Variants in COL25A1 observed in about 807,000 individuals in gnomAD.
COL25A1 encodes the protein collagen type XXV alpha 1 chain.
Under a neutral mutation model 128.4 loss-of-function variants are expected in COL25A1, and 103 were observed. The ratio of observed to expected loss-of-function variants is 0.80; its 90% confidence interval spans 0.68 to 0.94. The LOEUF is 0.94. COL25A1 is among the 40% of genes least tolerant of loss of function. The pLI is 0.00. For missense variants in COL25A1, 745 were observed against 840.0 expected, an observed-to-expected ratio of 0.89 and a Z score of 1.40; for synonymous variants, 279 against 277.2, an observed-to-expected ratio of 1.01 and a Z score of -0.06.
intron 5 of COL25A1, chr4:109,022,144 C>T (rs528154233): frequency 4.0e-5 from 18 of 452,652 alleles, no homozygotes; most frequent in Non-Finnish European, 7.1e-5. Flanking sequence ...GCTGGTTTTA[C>T]AGCTCAGGTG....
chr4:109,167,497 CTTAAAATGTATCA>C (rs1231586564), intron 3 of COL25A1, among the ~76,000 whole-genome samples: 1 of 152,078 alleles, frequency 6.6e-6, no homozygotes, highest in African/African-American at 2.4e-5. Flanking sequence ...AGGCATTGTT[CTTAAAATGTATCA>C]TTATGACATT....
intron 3 of COL25A1, among the ~76,000 whole-genome samples, chr4:109,068,403 G>A (rs1762638744): frequency 6.6e-6 from 1 of 151,910 alleles, no homozygotes; most frequent in African/African-American, 2.4e-5. Context: ...GAGGAAGGAA[G>A]GAAAGAGGAA....
intron 24 of COL25A1, chr4:108,854,113 G>T (rs947812400): frequency 6.6e-6 from 1 of 152,170 alleles, no homozygotes; most frequent in East Asian, 1.9e-4. Context: ...AACAAGCAAC[G>T]TGGAAAGGAT....
intron 3 of COL25A1, among the ~76,000 whole-genome samples, chr4:109,293,643 G>A (rs568703054): frequency 1.1e-3 from 160 of 152,008 alleles, no homozygotes; most frequent in Non-Finnish European, 1.9e-3. Context: ...TGATTAACAC[G>A]CAAATGAACA....
intron 3 of COL25A1, among the ~76,000 whole-genome samples, chr4:109,077,878 T>C (rs72670339): frequency 0.074 from 11,328 of 152,310 alleles, 854 homozygotes; most frequent in Admixed American, 0.24. Flanking sequence ...TCGCTGCTTT[T>C]TGGGTGACAG....
chr4:109,086,013 C>T (rs1764333085), intron 3 of COL25A1, among the ~76,000 whole-genome samples: 1 of 152,186 alleles, frequency 6.6e-6, no homozygotes, highest in Admixed American at 6.5e-5. Context: ...GAGGACACTT[C>T]CCCTGAAAGA....
intron 32 of COL25A1, among the ~76,000 whole-genome samples, chr4:108,828,897 C>G (rs1364251947): frequency 6.6e-6 from 1 of 152,126 alleles, no homozygotes; most frequent in East Asian, 1.9e-4. Context: ...CCCGTGTGAG[C>G]AAATTTCAGG....
rs767296599 is a variant in COL25A1, at chr4:108,825,237, T to C, written c.1765-15A>G. The C allele has an allele frequency of 4.3e-6, 7 of 1,609,774 alleles. No individual in the cohort carries two copies. Among genetic ancestry groups the C allele is most frequent in the Admixed American group, 3.3e-5 (2 of 59,946 alleles). ...CCATCTTTCCCCTGCCAAAGAACCA[T>C]AGTAGCTACATTAGTGTTTCTAAGT... On this transcript the variant is annotated splice_polypyrimidine_tract_variant and intron_variant, in intron 33 of 37. Transcript: ENST00000399132.
chr4:108,902,647 C>T (rs192584018), intron 13 of COL25A1, among the ~76,000 whole-genome samples: 282 of 151,860 alleles, frequency 1.9e-3, no homozygotes, highest in African/African-American at 6.2e-3. Flanking sequence ...TCTAGAATAG[C>T]GAAAAGTATT....
At chr4:108,912,002 A>G (rs1003477101) in intron 13 of COL25A1, among the ~76,000 whole-genome samples, 7 of 152,162 alleles carry the variant, frequency 4.6e-5, no homozygotes, top group Non-Finnish European at 1.0e-4. Flanking sequence ...AGAAAATCTT[A>G]CTTATTTTAT....
chr4:109,129,233 G>A (rs1216966493), intron 3 of COL25A1, among the ~76,000 whole-genome samples: 1 of 151,918 alleles, frequency 6.6e-6, no homozygotes, highest in East Asian at 1.9e-4. Context: ...AGGTTCAAGC[G>A]ATTCTCCTGC....
chr4:108,823,817 A>G lies in COL25A1; in HGVS notation c.1845+357T>C, dbSNP rs1032166683. 29 of 913,606 alleles carry G rather than the reference A, an allele frequency of 3.2e-5. No homozygotes were observed. In the African/African-American group the frequency reaches 4.2e-4, roughly 13 times the overall value. 56.6% of individuals were successfully genotyped at this position (913,606 alleles called of 1,614,324 possible). A position where few individuals can be genotyped will look rare whatever the true frequency, so the allele number is the denominator to read the frequency against. ...TGAGATGCTGCCTTTGCAGGGTTCA[A>G]TGAGCTCTGCCAAATACTACTGCAG... On this transcript the variant is annotated intron_variant, in intron 35 of 37. Coordinates refer to ENST00000399132, the MANE Select transcript of COL25A1 (RefSeq NM_198721.4).
rs996480668 is a variant in COL25A1, at chr4:109,290,855, G to A, written c.367+9728C>T. The stretch of plus-strand genomic sequence containing the variant: ...AGCCATCCTGGGCCACATGCAGCCT[G>A]CAGGGACATGGGTTGGACAAGCTTG... On this transcript the variant is annotated intron_variant, in intron 3 of 37. Transcript: ENST00000399132. Among the ~76,000 whole-genome samples the A allele has an allele frequency of 2.0e-5, 3 of 152,250 alleles. No individual in the cohort carries two copies. The East Asian group carries it at 5.8e-4, about 29-fold the overall frequency.
chr4:109,228,769 A>G (rs1443034570), intron 3 of COL25A1, among the ~76,000 whole-genome samples: 1 of 152,192 alleles, frequency 6.6e-6, no homozygotes, highest in Non-Finnish European at 1.5e-5. Context: ...CCAGAGACCA[A>G]ATATGCTAGC....
intron 6 of COL25A1, among the ~76,000 whole-genome samples, chr4:108,984,640 T>C (rs2126003021): frequency 6.6e-6 from 1 of 152,242 alleles, no homozygotes; most frequent in South Asian, 2.1e-4. Flanking sequence ...AGCCGGCCGC[T>C]CCGAAGTGCG....
chr4:109,109,075 A>G (rs1227826758), intron 3 of COL25A1, among the ~76,000 whole-genome samples: 1 of 150,906 alleles, frequency 6.6e-6, no homozygotes, highest in African/African-American at 2.5e-5. Context: ...TGAAGATGCC[A>G]ATAAACTCAT....
At chr4:108,862,262 A>G (rs1377448745) in intron 22 of COL25A1, among the ~76,000 whole-genome samples, 1 of 152,240 alleles carries the variant, frequency 6.6e-6, no homozygotes, top group African/African-American at 2.4e-5. Context: ...AGGAAATACA[A>G]CTTCTCTTAA....
rs974492529 is a variant in COL25A1 at position 109,275,693 on chromosome 4, T to G, written c.367+24890A>C. ...TCTCCTTCACTCTTTCTCCAAGAAA[T>G]ATTCATAGAAACGACTATTCCTATT... On this transcript the variant is annotated intron_variant, in intron 3 of 37. Transcript: ENST00000399132. Among the ~76,000 whole-genome samples the G allele has an allele frequency of 7.9e-5, 12 of 152,302 alleles. No homozygotes were observed. The East Asian group carries it at 1.2e-3, about 15-fold the overall frequency.
intron 5 of COL25A1, among the ~76,000 whole-genome samples, chr4:109,019,881 T>C (rs1395634765): frequency 2.0e-5 from 3 of 152,212 alleles, no homozygotes; most frequent in African/African-American, 7.2e-5. Context: ...GAAAGTTCCA[T>C]ATTGACGAAA....
Sources: gnomAD v4.1 joint callset for allele counts (sites outside exome capture counted in the v4.1 genomes callset) on GRCh38, gnomAD v4.1.1 for gene constraint, MANE v1.5 for transcripts, NCBI Gene and HGNC (gene_info 2026-07-23, HGNC 2026-07-21) for gene names.